PMFBP1: variants seen among roughly 807,000 people sequenced by gnomAD.
PMFBP1 encodes polyamine-modulated factor 1-binding protein 1.
PMFBP1 carries 131 observed loss-of-function variants against 137.8 expected under a neutral mutation model. The ratio of observed to expected loss-of-function variants is 0.95; its 90% CI spans 0.82 to 1.10. The LOEUF is 1.10. PMFBP1 is among the 50% of genes least tolerant of loss of function. The pLI is 0.00. For missense variants in PMFBP1, 1,199 were observed against 1,175.4 expected, an observed-to-expected ratio of 1.02 and a Z score of -0.29; for synonymous variants, 490 against 450.4, an observed-to-expected ratio of 1.09 and a Z score of -1.11.
the PMFBP1 span, among the ~76,000 whole-genome samples, chr16:72,186,238 T>A: frequency 7.9e-5 from 12 of 152,222 alleles, no homozygotes; most frequent in African/African-American, 2.7e-4. Context: ...TTTTCTCTCA[T>A]TTTCAAGTTC....
chr16:72,197,515 G>T, the PMFBP1 span, among the ~76,000 whole-genome samples: 1 of 152,178 alleles, frequency 6.6e-6, no homozygotes, highest in African/African-American at 2.4e-5. Context: ...GGCAGTGTCT[G>T]GGAGGAGTAC....
chr16:72,237,140 G>A, the PMFBP1 span, among the ~76,000 whole-genome samples: 1 of 152,152 alleles, frequency 6.6e-6, no homozygotes, highest in Non-Finnish European at 1.5e-5. Context: ...CTTAGAAGGA[G>A]AAAGAAGGAA....
At chr16:72,121,193 C>T (rs1012516887) in intron 19 of PMFBP1, among the ~76,000 whole-genome samples, 1 of 152,148 alleles carries the variant, frequency 6.6e-6, no homozygotes. Flanking sequence ...GAGAATTCAT[C>T]CTCAACCTCT....
chr16:72,213,199 G>GT, the PMFBP1 span, among the ~76,000 whole-genome samples: 844 of 150,736 alleles, frequency 5.6e-3, 14 homozygotes, highest in African/African-American at 0.019. Context: ...CAAGAGCCCG[G>GT]GGGGGGGTGG....
Position 72,128,693 on chromosome 16 carries a change from G to A in PMFBP1, c.2052C>T (p.Asn684=). The change falls in exon 14 of 21, where the codon AAC becomes AAT. Residue 684 remains asparagine, a synonymous_variant. Transcript: ENST00000237353. ...AGTCTTGGATGACTTGCTGGCTGGT[G>A]TTGTATTTGTTGAGAGAGGATTCCA... ...TQLESSLNKY[N]TSQQVIQDLN... is the part of the protein sequence containing the mutation. The A allele has an allele frequency of 6.2e-7, 1 of 1,614,156 alleles. No individual in the cohort carries two copies. Among genetic ancestry groups the A allele is most frequent in the East Asian group, 2.2e-5 (1 of 44,876 alleles).
chr16:72,220,159 C>G, the PMFBP1 span, among the ~76,000 whole-genome samples: 1 of 152,186 alleles, frequency 6.6e-6, no homozygotes, highest in Non-Finnish European at 1.5e-5. Flanking sequence ...GAATTATACT[C>G]TTTAAATCAA....
chr16:72,212,322 A>T, the PMFBP1 span, among the ~76,000 whole-genome samples: 1 of 152,174 alleles, frequency 6.6e-6, no homozygotes, highest in Non-Finnish European at 1.5e-5. Context: ...TTATAGCAAG[A>T]TGTAATAGAA....
chr16:72,245,273 C>A, the PMFBP1 span, among the ~76,000 whole-genome samples: 1 of 152,138 alleles, frequency 6.6e-6, no homozygotes, highest in African/African-American at 2.4e-5. Flanking sequence ...AGGCACTATT[C>A]TAAGCACTTT....
the PMFBP1 span, among the ~76,000 whole-genome samples, chr16:72,192,899 CT>C: frequency 8.5e-6 from 1 of 118,140 alleles, no homozygotes; most frequent in East Asian, 2.2e-4. Flanking sequence ...GAGTCTCTGT[CT>C]CAAAAAAAAA....
chr16:72,190,696 G>C, the PMFBP1 span, among the ~76,000 whole-genome samples: 2 of 152,078 alleles, frequency 1.3e-5, no homozygotes, highest in African/African-American at 4.8e-5. Flanking sequence ...GGTTGGGGAG[G>C]CAGACCAGAT....
intron 3 of PMFBP1, among the ~76,000 whole-genome samples, chr16:72,160,112 T>A (rs1047736886): frequency 2.0e-5 from 3 of 152,244 alleles, no homozygotes; most frequent in Admixed American, 2.0e-4. Flanking sequence ...AGATTATAGC[T>A]ATTGCTCCTT....
chr16:72,216,319 G>T, the PMFBP1 span, among the ~76,000 whole-genome samples: 1 of 152,136 alleles, frequency 6.6e-6, no homozygotes, highest in African/African-American at 2.4e-5. Context: ...GAATTTCTTT[G>T]TCATCACAGC....
At chr16:72,231,646 CAATA>C in the PMFBP1 span, among the ~76,000 whole-genome samples, 1 of 151,844 alleles carries the variant, frequency 6.6e-6, no homozygotes, top group African/African-American at 2.4e-5. Context: ...TTGTAAAACA[CAATA>C]AAGTTAATCT....
upstream of PMFBP1, among the ~76,000 whole-genome samples, chr16:72,174,759 C>A (rs1335651888): frequency 1.3e-5 from 2 of 152,166 alleles, no homozygotes; most frequent in African/African-American, 4.8e-5. Context: ...ACCATCAGAT[C>A]TCGTGAGAAC....
At chr16:72,140,005 G>C (rs923464967) in intron 6 of PMFBP1, among the ~76,000 whole-genome samples, 1 of 152,080 alleles carries the variant, frequency 6.6e-6, no homozygotes, top group Non-Finnish European at 1.5e-5. Context: ...AACAAAAGTT[G>C]GACTGAACTA....
intron 3 of PMFBP1, among the ~76,000 whole-genome samples, chr16:72,163,958 T>A (rs561800474): frequency 1.1e-4 from 17 of 151,506 alleles, no homozygotes; most frequent in African/African-American, 3.9e-4. Flanking sequence ...AGACTACAAA[T>A]TGGGTTCAGT....
chr16:72,244,354 A>C, the PMFBP1 span, among the ~76,000 whole-genome samples: 4 of 152,356 alleles, frequency 2.6e-5, no homozygotes, highest in East Asian at 5.8e-4. Context: ...TAGAGACCAG[A>C]GTCCCTGTTA....
At chr16:72,235,165 T>C in the PMFBP1 span, among the ~76,000 whole-genome samples, 1 of 152,158 alleles carries the variant, frequency 6.6e-6, no homozygotes, top group East Asian at 1.9e-4. Context: ...TTTTTATAGT[T>C]TTATTTCTTA....
At chr16:72,189,453 G>T in the PMFBP1 span, among the ~76,000 whole-genome samples, 2 of 152,212 alleles carry the variant, frequency 1.3e-5, no homozygotes, top group Admixed American at 6.5e-5. Context: ...ATGCTGTCTG[G>T]GGTGTGAGTG....
Sources: gnomAD v4.1 joint callset for allele counts (sites outside exome capture counted in the v4.1 genomes callset) on GRCh38, gnomAD v4.1.1 for gene constraint, MANE v1.5 for transcripts, NCBI Gene and HGNC (gene_info 2026-07-23, HGNC 2026-07-21) for gene names.